The following HYDIN variants were observed in gnomAD, a reference collection of about 807,000 sequenced individuals.
HYDIN encodes HYDIN axonemal central pair apparatus protein.
In HYDIN, 132 loss-of-function variants were observed where a neutral mutation model predicts 403.9. The ratio of observed to expected loss-of-function variants is 0.33; its 90% CI spans 0.28 to 0.38. The LOEUF is 0.38. Among genes scored for constraint, HYDIN ranks in the 10% least tolerant of loss-of-function variants. The pLI, the probability that HYDIN is intolerant of heterozygous loss-of-function variation, is 1.00. For missense variants in HYDIN, 2,827 were observed against 5,009.5 expected (o/e 0.56, Z 13.15); for synonymous variants, 1,202 against 1,891.7 (o/e 0.64, Z 9.46).
At chr16:70,866,013 G>A (rs1223069800) in intron 67 of HYDIN, among the ~76,000 whole-genome samples, 156 bp downstream of exon 67, 1 of 152,008 alleles carries the variant, frequency 6.6e-6, no homozygotes, top group African/African-American at 2.4e-5. Context: ...GGGCCTGAAT[G>A]TTTCATTGGA....
intron 52 of HYDIN, among the ~76,000 whole-genome samples, chr16:70,902,107 C>T (rs1407574896): frequency 1.3e-5 from 2 of 149,698 alleles, no homozygotes; most frequent in Non-Finnish European, 3.0e-5. Context: ...ATTCTATTGT[C>T]TTCCAGCTTC....
At chr16:71,158,166 A>G (rs1327906007) in intron 6 of HYDIN, among the ~76,000 whole-genome samples, 2 of 152,216 alleles carry the variant, frequency 1.3e-5, no homozygotes, top group Non-Finnish European at 2.9e-5. Context: ...AGGGCAAACA[A>G]GCCCAGAGCT....
chr16:70,875,161 G>A (rs2040372336), intron 62 of HYDIN, among the ~76,000 whole-genome samples: 1 of 151,422 alleles, frequency 6.6e-6, no homozygotes, highest in Non-Finnish European at 1.5e-5. Context: ...CAAGGAGTAT[G>A]CAGAACTTTC....
intron 29 of HYDIN, 116 bp downstream of exon 29, chr16:70,981,275 G>A (rs1041383335): frequency 5.6e-6 from 8 of 1,422,904 alleles, no homozygotes; most frequent in Middle Eastern, 2.6e-4. Flanking sequence ...TAACGTGGAA[G>A]AGAACCACAG....
At chr16:70,933,963 C>T (rs577059969) in intron 45 of HYDIN, among the ~76,000 whole-genome samples, 73 of 152,022 alleles carry the variant, frequency 4.8e-4, no homozygotes, top group Non-Finnish European at 4.3e-4. Context: ...CAAAGGCTGA[C>T]GCTGGAAACC....
At chr16:71,165,213 C>T (rs2086165556) in intron 5 of HYDIN, among the ~76,000 whole-genome samples, 1 of 151,076 alleles carries the variant, frequency 6.6e-6, no homozygotes, top group Non-Finnish European at 1.5e-5. Context: ...TGGTCTGGTG[C>T]CCCCATCGTT....
intron 18 of HYDIN, among the ~76,000 whole-genome samples, chr16:71,058,593 TA>T (rs1009532041): frequency 3.2e-5 from 3 of 94,096 alleles, no homozygotes; most frequent in Non-Finnish European, 4.5e-5. Flanking sequence ...TAAAGTATAA[TA>T]AAAAAATAAA....
At chr16:70,899,018 A>T (rs968463518) in intron 53 of HYDIN, among the ~76,000 whole-genome samples, 1 of 151,910 alleles carries the variant, frequency 6.6e-6, no homozygotes, top group Admixed American at 6.6e-5. Context: ...TGATCTACCC[A>T]CCTAGGCCTC....
At chr16:70,944,276 C>A (rs2077779453) in intron 41 of HYDIN, among the ~76,000 whole-genome samples, 1 of 152,246 alleles carries the variant, frequency 6.6e-6, no homozygotes, top group Non-Finnish European at 1.5e-5. Flanking sequence ...GCGCTGCCCC[C>A]AGGCATTCCA....
intron 7 of HYDIN, among the ~76,000 whole-genome samples, chr16:71,143,485 T>A (rs2085247106): frequency 6.6e-6 from 1 of 152,128 alleles, no homozygotes; most frequent in African/African-American, 2.4e-5. Context: ...GTGTCTTAAC[T>A]TCTGCTACTT....
chr16:70,839,055 GATTTAAAATTAGT>G (rs1473592904), intron 76 of HYDIN, among the ~76,000 whole-genome samples: 5 of 103,372 alleles, frequency 4.8e-5, no homozygotes, highest in Admixed American at 2.1e-4. Flanking sequence ...AGATAGATAA[GATTTAAAATTAGT>G]ATTTAAAATT....
At chr16:70,951,623 C>T (rs1385695606) in intron 41 of HYDIN, among the ~76,000 whole-genome samples, 3 of 152,140 alleles carry the variant, frequency 2.0e-5, no homozygotes, top group Non-Finnish European at 4.4e-5. Flanking sequence ...TTTAATTGTG[C>T]TGAATTCTGC....
At chr16:71,040,431 C>G (rs1031067266) in intron 18 of HYDIN, among the ~76,000 whole-genome samples, 2 of 149,016 alleles carry the variant, frequency 1.3e-5, no homozygotes, top group African/African-American at 4.9e-5. Context: ...TTTTTATCCT[C>G]TTTGAGAAAG....
rs753474242 is a variant in HYDIN at position 70,981,385 on chromosome 16, T to A, written c.4510+6A>T. On this transcript the variant is annotated splice_donor_region_variant and intron_variant, in intron 29 of 85. Transcript: ENST00000393567. ...AGTGGGGAACTACTCCAGTGTGAAG[T>A]ACTACCTGTGAGGTTCCTGGGGAGA... 114 of 1,612,858 alleles carry A rather than the reference T, an allele frequency of 7.1e-5. No homozygotes were observed. Among genetic ancestry groups the A allele is most frequent in the Admixed American group, 3.3e-5 (2 of 59,936 alleles).
At chr16:71,110,468 CATATATAAAT>C (rs1384152184) in intron 10 of HYDIN, among the ~76,000 whole-genome samples, 2 of 135,392 alleles carry the variant, frequency 1.5e-5, no homozygotes, top group Admixed American at 7.7e-5. Context: ...TATATATAAA[CATATATAAAT>C]ATATATAATA....
chr16:70,895,884 T>G, intron 54 of HYDIN, 97 bp downstream of exon 54: 1 of 1,453,836 alleles, frequency 6.9e-7, no homozygotes, highest in South Asian at 1.5e-5. Context: ...GCCCAATCCC[T>G]GCAATACTAA....
At chr16:71,213,722 TC>T (rs1277896606) in intron 1 of HYDIN, among the ~76,000 whole-genome samples, 1 of 151,996 alleles carries the variant, frequency 6.6e-6, no homozygotes, top group African/African-American at 2.4e-5. Flanking sequence ...ATGATAAAAT[TC>T]AAAGCCATTT....
chr16:71,165,185 G>A (rs537362922), intron 5 of HYDIN, among the ~76,000 whole-genome samples: 9 of 151,320 alleles, frequency 5.9e-5, no homozygotes, highest in South Asian at 2.1e-4. Flanking sequence ...TGAGGCTGGC[G>A]CACTTGCGAA....
intron 67 of HYDIN, among the ~76,000 whole-genome samples, chr16:70,864,882 T>C (rs2039652318): frequency 6.6e-6 from 1 of 152,160 alleles, no homozygotes; most frequent in Admixed American, 6.5e-5. Context: ...AGATAGGTCA[T>C]AAATGAATGG....
Sources: gnomAD v4.1 joint callset for allele counts (sites outside exome capture counted in the v4.1 genomes callset) on GRCh38, gnomAD v4.1.1 for gene constraint, MANE v1.5 for transcripts, NCBI Gene and HGNC (gene_info 2026-07-23, HGNC 2026-07-21) for gene names.